The following COX16 variants were observed in gnomAD, a reference collection of about 807,000 sequenced individuals.
COX16 encodes cytochrome c oxidase assembly factor COX16.
COX16 carries 12 observed loss-of-function variants against 15.4 expected under a neutral mutation model. The ratio of observed to expected loss-of-function variants is 0.78; its 90% CI spans 0.50 to 1.26. The LOEUF is 1.26. Ranked by LOEUF, COX16 falls within the 50% of genes most tolerant of loss-of-function variation. The pLI, the probability that COX16 is intolerant of heterozygous loss-of-function variation, is 0.00. For missense variants in COX16, 124 were observed against 127.6 expected (o/e 0.97, Z 0.14); for synonymous variants, 46 against 41.1 (o/e 1.12, Z -0.46).
chr14:70,339,056 G>A (rs540888683), intron 2 of COX16, among the ~76,000 whole-genome samples: 101 of 152,066 alleles, frequency 6.6e-4, no homozygotes, highest in Admixed American at 1.4e-3. Context: ...TCTAATCTTA[G>A]AAAACACGGT....
Position 70,329,254 on chromosome 14 carries a change from AAGT to A in COX16, c.142-21_142-19del. 6.3e-7 allele frequency: 1 copy of A among 1,589,692 alleles called. No individual in the cohort carries two copies. The highest frequency in any genetic ancestry group is 8.5e-7 in the Non-Finnish European group (1 of 1,169,754). Reference sequence around the variant, plus strand: ...GGATCCATCTGTAGAAAAGGAAAAAAAGTAATAAGTTATCTAAGTCTGTTTGTT... The same window carrying A: ...GGATCCATCTGTAGAAAAGGAAAAAAAATAAGTTATCTAAGTCTGTTTGTT... On this transcript the variant is annotated intron_variant, in intron 2 of 3. Transcript: ENST00000389912.
chr14:70,355,508 T>C (rs1236270974), intron 1 of COX16, among the ~76,000 whole-genome samples: 2 of 152,120 alleles, frequency 1.3e-5, no homozygotes, highest in African/African-American at 4.8e-5. Context: ...CAAGCACGAA[T>C]CCCAGTACCA....
At chr14:70,342,807 T>C in intron 1 of COX16, 78 bp from the exon 2 acceptor site, 1 of 1,480,664 alleles carries the variant, frequency 6.8e-7, no homozygotes, top group Non-Finnish European at 9.2e-7. Context: ...ATTGCTTTTC[T>C]AAACAACAAT....
intron 2 of COX16, among the ~76,000 whole-genome samples, chr14:70,333,556 A>G (rs1469702750): frequency 6.6e-6 from 1 of 152,202 alleles, no homozygotes; most frequent in African/African-American, 2.4e-5. Context: ...AGGAAAAAGA[A>G]TGAAAGTAAT....
intron 1 of COX16, among the ~76,000 whole-genome samples, chr14:70,349,483 C>A (rs1261803379): frequency 6.6e-6 from 1 of 152,134 alleles, no homozygotes; most frequent in Non-Finnish European, 1.5e-5. Flanking sequence ...CGATACAGGC[C>A]CACCTTAATC....
At chr14:70,347,029 C>T (rs1027708118) in intron 1 of COX16, among the ~76,000 whole-genome samples, 4 of 152,084 alleles carry the variant, frequency 2.6e-5, no homozygotes, top group East Asian at 3.9e-4. Context: ...TAGTTAACCC[C>T]GCTGTTTAGA....
At chr14:70,337,813 TA>T (rs1379362345) in intron 2 of COX16, among the ~76,000 whole-genome samples, 4 of 151,954 alleles carry the variant, frequency 2.6e-5, no homozygotes, top group Non-Finnish European at 5.9e-5. Context: ...CTGAAATCAC[TA>T]AATCAAGGGA....
chr14:70,335,035 A>T (rs1886406977), intron 2 of COX16, among the ~76,000 whole-genome samples: 1 of 152,240 alleles, frequency 6.6e-6, no homozygotes, highest in South Asian at 2.1e-4. Flanking sequence ...TGAAAACCAA[A>T]AAAAGAACAG....
intron 1 of COX16, among the ~76,000 whole-genome samples, chr14:70,344,384 G>A (rs988658668): frequency 5.9e-5 from 9 of 152,184 alleles, no homozygotes; most frequent in Non-Finnish European, 8.8e-5. Flanking sequence ...CCCATAGTTC[G>A]GCCTATGCCC....
chr14:70,329,516 A>AT (rs1458023430), intron 2 of COX16, among the ~76,000 whole-genome samples: 13 of 152,082 alleles, frequency 8.5e-5, no homozygotes, highest in African/African-American at 2.7e-4. Context: ...GATCTGTATT[A>AT]TATGTAAGGA....
rs1396049368 is a variant in COX16 at position 70,338,479 on chromosome 14, T to C, written c.141+4179A>G. ...CCTAAGAGCTAAGGTGGACATTTCT[T>C]GGTGCCATTTTTCTGTTTAGCATTG... On this transcript the variant is annotated intron_variant, in intron 2 of 3. Coordinates refer to ENST00000389912, the MANE Select transcript of COX16 (RefSeq NM_016468.7). 2.6e-5 allele frequency among the ~76,000 whole-genome samples: 4 copies of C among 152,292 alleles called. 1 individual carries two copies. In the East Asian group the frequency reaches 5.8e-4, roughly 22 times the overall value.
chr14:70,331,006 T>C (rs1260193199), intron 2 of COX16, among the ~76,000 whole-genome samples: 1 of 152,126 alleles, frequency 6.6e-6, no homozygotes, highest in Admixed American at 6.5e-5. Flanking sequence ...ATAAAATATA[T>C]TGTATTGAAC....
intron 2 of COX16, among the ~76,000 whole-genome samples, chr14:70,334,136 C>A (rs1886373551): frequency 6.6e-6 from 1 of 152,156 alleles, no homozygotes; most frequent in Admixed American, 6.5e-5. Flanking sequence ...ACTAATACTG[C>A]AATCATGATG....
At chr14:70,353,950 T>C (rs1473317185) in intron 1 of COX16, among the ~76,000 whole-genome samples, 2 of 152,168 alleles carry the variant, frequency 1.3e-5, no homozygotes, top group African/African-American at 2.4e-5. Flanking sequence ...TCATTTTTTT[T>C]CCCATCAGAA....
intron 1 of COX16, among the ~76,000 whole-genome samples, chr14:70,346,420 C>A (rs1330431109): frequency 2.0e-5 from 3 of 152,236 alleles, no homozygotes; most frequent in African/African-American, 7.2e-5. Flanking sequence ...GCAATGAAGG[C>A]CACTGGTCCA....
chr14:70,335,468 C>CA (rs1479087207), intron 2 of COX16, among the ~76,000 whole-genome samples: 3 of 151,920 alleles, frequency 2.0e-5, no homozygotes, highest in South Asian at 4.2e-4. Context: ...TCAACAAATT[C>CA]AAAAAAGTAT....
intron 1 of COX16, among the ~76,000 whole-genome samples, chr14:70,354,221 CAA>C (rs1180766574): frequency 6.6e-6 from 1 of 152,012 alleles, no homozygotes; most frequent in African/African-American, 2.4e-5. Flanking sequence ...AACATAAAAT[CAA>C]AAGAGAACAA....
Position 70,329,084 on chromosome 14 carries a change from G to A in COX16, c.204+90C>T, listed in dbSNP as rs535080768. On this transcript the variant is annotated intron_variant, in intron 3 of 3. Coordinates refer to ENST00000389912, the MANE Select transcript of COX16 (RefSeq NM_016468.7). ...TTATCAAATACCATATATATTCAAC[G>A]TAATTTTTTTCTGTACTACTAATAC... 3.3e-5 allele frequency: 40 copies of A among 1,220,216 alleles called. 1 individual carries two copies. The highest frequency in any genetic ancestry group is 2.3e-4 in the South Asian group (13 of 55,872). The allele number at this position is 1,220,216 out of a possible 1,614,324, so 75.6% of individuals were successfully genotyped here. A position where few individuals can be genotyped will look rare whatever the true frequency, so the allele number is the denominator to read the frequency against.
At chr14:70,337,794 A>AT (rs1886500522) in intron 2 of COX16, among the ~76,000 whole-genome samples, 1 of 152,200 alleles carries the variant, frequency 6.6e-6, no homozygotes, top group Non-Finnish European at 1.5e-5. Flanking sequence ...AAACTAAAAA[A>AT]TATAGTAACT....
Sources: allele counts gnomAD v4.1 joint callset (sites outside exome capture counted in the v4.1 genomes callset), GRCh38; gene constraint gnomAD v4.1.1; transcripts MANE v1.5; gene names NCBI Gene and HGNC (gene_info 2026-07-23, HGNC 2026-07-21).